TM9SF2: variants seen among roughly 807,000 people sequenced by gnomAD.
The protein encoded by TM9SF2 is 76 kDa membrane protein.
A neutral mutation model predicts 84.9 loss-of-function variants in TM9SF2; 13 were observed. That is an observed-to-expected ratio of 0.15 (90% CI 0.10 to 0.24). The LOEUF is 0.24. TM9SF2 is among the 10% of genes least tolerant of loss of function. The probability of loss-of-function intolerance (pLI) is 1.00; values close to 1 mark genes in which losing one functional copy is unlikely to be tolerated. For synonymous variants in TM9SF2, 273 were observed against 285.8 expected (o/e 0.96, Z 0.45); for missense variants, 562 against 818.5 (o/e 0.69, Z 3.82).
intron 3 of TM9SF2, among the ~76,000 whole-genome samples, chr13:99,522,873 C>T (rs1047693703): frequency 6.6e-6 from 1 of 152,182 alleles, no homozygotes; most frequent in Non-Finnish European, 1.5e-5. Context: ...ATACACAGGA[C>T]CCTTTTTGGG....
chr13:99,528,550 TTG>T (rs1170203680), intron 3 of TM9SF2, among the ~76,000 whole-genome samples: 1 of 152,226 alleles, frequency 6.6e-6, no homozygotes. Flanking sequence ...TGGTGTAATA[TTG>T]TCTCTCTGCT....
At chr13:99,509,233 C>T (rs1220341455) in intron 1 of TM9SF2, among the ~76,000 whole-genome samples, 4 of 152,202 alleles carry the variant, frequency 2.6e-5, no homozygotes, top group Non-Finnish European at 5.9e-5. Flanking sequence ...TGTAGCTTTT[C>T]CAGGCACAGG....
At chr13:99,560,075 C>G (rs1001222968) in intron 16 of TM9SF2, among the ~76,000 whole-genome samples, 5 of 152,078 alleles carry the variant, frequency 3.3e-5, no homozygotes, top group Non-Finnish European at 7.4e-5. Flanking sequence ...TCTTCTCTAT[C>G]CAACTAGATG....
At chr13:99,540,650 T>C in intron 7 of TM9SF2, 64 bp from the exon 8 acceptor site, 4 of 1,363,762 alleles carry the variant, frequency 2.9e-6, no homozygotes, top group Non-Finnish European at 2.1e-6. Context: ...GAATGGGATT[T>C]TTTTTTGTTC....
rs913560915 is a variant in TM9SF2 at position 99,546,497 on chromosome 13, C to T, written c.1151-488C>T. Among the ~76,000 whole-genome samples the T allele has an allele frequency of 5.3e-5, 8 of 152,056 alleles. No individual in the cohort carries two copies. The Middle Eastern group carries it at 0.01, about 195-fold the overall frequency. On this transcript the variant is annotated intron_variant, in intron 10 of 16. Coordinates refer to ENST00000376387, the MANE Select transcript of TM9SF2 (RefSeq NM_004800.3). ...TGAAAAGCTAATGGCCGTATGAAATCTTTCTCCCTCATTTTGTTCTTTCAT... is the reference window on the plus strand; with the variant it reads ...TGAAAAGCTAATGGCCGTATGAAATTTTTCTCCCTCATTTTGTTCTTTCAT...
intron 1 of TM9SF2, among the ~76,000 whole-genome samples, chr13:99,502,726 G>A (rs2046072159): frequency 6.6e-6 from 1 of 152,166 alleles, no homozygotes; most frequent in South Asian, 2.1e-4. Context: ...TGGGGGATGA[G>A]GATCTCTTTG....
intron 1 of TM9SF2, among the ~76,000 whole-genome samples, chr13:99,509,989 AG>A (rs2046106300): frequency 6.6e-6 from 1 of 152,256 alleles, no homozygotes. Flanking sequence ...AGAAGCAGCC[AG>A]GTTACCTCTT....
At chr13:99,531,962 A>G (rs1345459614) in intron 4 of TM9SF2, among the ~76,000 whole-genome samples, 2 of 151,852 alleles carry the variant, frequency 1.3e-5, no homozygotes, top group Non-Finnish European at 2.9e-5. Flanking sequence ...TTATCTTCTC[A>G]TATTAGCCCT....
At chr13:99,536,583 A>G in intron 4 of TM9SF2, 25 bp from the exon 5 acceptor site, 1 of 1,604,184 alleles carries the variant, frequency 6.2e-7, no homozygotes, top group Non-Finnish European at 8.5e-7. Context: ...TTCTTTTCTA[A>G]CTTAACTCCT....
At chr13:99,513,131 T>C (rs61972540) in intron 1 of TM9SF2, among the ~76,000 whole-genome samples, 4,829 of 152,276 alleles carry the variant, frequency 0.032, 110 homozygotes, top group Middle Eastern at 0.11. Flanking sequence ...AGGAAGGAAA[T>C]AAAGAACTGT....
At chr13:99,546,910 G>A (rs1249242145) in intron 10 of TM9SF2, 75 bp from the exon 11 acceptor site, 1 of 1,587,668 alleles carries the variant, frequency 6.3e-7, no homozygotes, top group Non-Finnish European at 8.6e-7. Context: ...TGAAAAATGA[G>A]AGGGTTTCTC....
intron 1 of TM9SF2, among the ~76,000 whole-genome samples, chr13:99,506,858 T>TA (rs1371773453): frequency 6.6e-6 from 1 of 152,210 alleles, no homozygotes; most frequent in African/African-American, 2.4e-5. Flanking sequence ...TTCTCTCCTG[T>TA]AGCTTCCTGT....
chr13:99,554,195 T>C, intron 13 of TM9SF2, 109 bp from the exon 14 acceptor site: 1 of 1,312,426 alleles, frequency 7.6e-7, no homozygotes, highest in African/African-American at 1.5e-5. Flanking sequence ...TTTATTGCCA[T>C]TAGTGACAAC....
chr13:99,506,270 A>G (rs2139067587), intron 1 of TM9SF2, among the ~76,000 whole-genome samples: 1 of 152,304 alleles, frequency 6.6e-6, no homozygotes, highest in African/African-American at 2.4e-5. Context: ...TAGTTTGAAG[A>G]TTTTGAAATA....
intron 5 of TM9SF2, 60 bp from the exon 6 acceptor site, chr13:99,537,679 T>A: frequency 7.1e-7 from 1 of 1,417,530 alleles, no homozygotes; most frequent in African/African-American, 1.5e-5. Flanking sequence ...TTTAAAGTTT[T>A]AAGTTTTGAC....
At chr13:99,510,910 G>A (rs2046111108) in intron 1 of TM9SF2, among the ~76,000 whole-genome samples, 2 of 152,024 alleles carry the variant, frequency 1.3e-5, no homozygotes, top group Non-Finnish European at 2.9e-5. Flanking sequence ...TACATGTATT[G>A]GCTGATTGAG....
intron 7 of TM9SF2, among the ~76,000 whole-genome samples, chr13:99,539,941 T>C (rs904192518): frequency 6.6e-6 from 1 of 152,250 alleles, no homozygotes. Context: ...ATTGGTAGAT[T>C]GTCTTAGAAA....
At chr13:99,527,489 C>T (rs779434102) in intron 3 of TM9SF2, among the ~76,000 whole-genome samples, 11 of 152,156 alleles carry the variant, frequency 7.2e-5, no homozygotes, top group Non-Finnish European at 1.3e-4. Flanking sequence ...CTCACTATCA[C>T]AAGAACAGCG....
chr13:99,543,980 A>T lies in TM9SF2; in HGVS notation c.1135A>T (p.Thr379Ser). 6.2e-7 allele frequency: 1 copy of T among 1,613,982 alleles called. No individual in the cohort carries two copies. The highest frequency in any genetic ancestry group is 8.5e-7 in the Non-Finnish European group (1 of 1,179,944). Residue 379 changes from threonine (T) to serine (S), a missense_variant, in exon 10 of 17, where the codon ACC becomes TCC. Around this residue, in one of 4 missense-constraint regions of TM9SF2, gnomAD observed 219 missense variants for 338.1 expected, o/e 0.65. Coordinates refer to ENST00000376387, the MANE Select transcript of TM9SF2 (RefSeq NM_004800.3). ...ATCCGGGACACAGATTTTAATTATGACCTTTGTGACTCTATGTAAGTGTTA... is the reference window on the plus strand; with the variant it reads ...ATCCGGGACACAGATTTTAATTATGTCCTTTGTGACTCTATGTAAGTGTTA... ...LGSGTQILIM[T>S]FVTLFFACLG... is the part of the protein sequence containing the mutation.
Sources: gnomAD v4.1 joint callset for allele counts (sites outside exome capture counted in the v4.1 genomes callset) on GRCh38, gnomAD v4.1.1 for gene constraint, gnomAD v4.1.1 regional missense constraint, MANE v1.5 for transcripts, NCBI Gene and HGNC (gene_info 2026-07-23, HGNC 2026-07-21) for gene names.